PSMD1: variants seen among roughly 807,000 people sequenced by gnomAD.
PSMD1 encodes the protein proteasome 26S subunit, non-ATPase 1, also known as 26S proteasome non-ATPase regulatory subunit 1.
PSMD1 carries 18 observed loss-of-function variants against 119.0 expected under a neutral mutation model. That is an observed-to-expected ratio of 0.15 (90% CI 0.10 to 0.22). The LOEUF is 0.22. Among genes scored for constraint, PSMD1 ranks in the 10% least tolerant of loss-of-function variants. The probability of loss-of-function intolerance (pLI) is 1.00; values close to 1 mark genes in which losing one functional copy is unlikely to be tolerated. For missense variants in PSMD1, 702 were observed against 1,158.5 expected (o/e 0.61, Z 5.72); for synonymous variants, 374 against 396.6 (o/e 0.94, Z 0.68).
intron 9 of PSMD1, among the ~76,000 whole-genome samples, chr2:231,077,653 T>C (rs1209846368): frequency 6.6e-6 from 1 of 152,220 alleles, no homozygotes; most frequent in Non-Finnish European, 1.5e-5. Context: ...TGTTGAGATA[T>C]TGCTCTTAAC....
intron 16 of PSMD1, among the ~76,000 whole-genome samples, chr2:231,128,002 G>T (rs1252996123): frequency 6.6e-6 from 1 of 152,158 alleles, no homozygotes; most frequent in African/African-American, 2.4e-5. Flanking sequence ...TCTCCCTGAT[G>T]TCTTTTTAAT....
intron 15 of PSMD1, among the ~76,000 whole-genome samples, chr2:231,086,096 A>G (rs2125176629): frequency 1.3e-5 from 2 of 151,852 alleles, no homozygotes; most frequent in South Asian, 4.2e-4. Context: ...GCTGGAGCGC[A>G]GTAGCACAAT....
At chr2:231,159,547 G>C (rs1696586133) in intron 19 of PSMD1, among the ~76,000 whole-genome samples, 1 of 152,134 alleles carries the variant, frequency 6.6e-6, no homozygotes, top group Admixed American at 6.5e-5. Flanking sequence ...GTTTGCTTCA[G>C]TCCCCACTGC....
chr2:231,087,778 C>T (rs981267754), intron 16 of PSMD1, among the ~76,000 whole-genome samples: 3 of 152,002 alleles, frequency 2.0e-5, no homozygotes, highest in East Asian at 1.9e-4. Context: ...CTGACTAACA[C>T]GGTGAAACCC....
chr2:231,104,306 G>T lies in PSMD1; in HGVS notation c.1883+17125G>T, dbSNP rs546606001. On this transcript the variant is annotated intron_variant, in intron 16 of 24. Transcript: ENST00000308696. ...GTAGCTAACACAGGTTAAGTTCCCA[G>T]TTTCAGCAGCAGATGTCTCCCGTGA... Among the ~76,000 whole-genome samples the T allele has an allele frequency of 3.3e-5, 5 of 152,204 alleles. No homozygotes were observed. The East Asian group carries it at 9.6e-4, about 29-fold the overall frequency.
intron 8 of PSMD1, 24 bp downstream of exon 8, chr2:231,075,595 T>A (rs766361300): frequency 1.3e-6 from 2 of 1,596,150 alleles, no homozygotes; most frequent in South Asian, 2.3e-5. Flanking sequence ...TTTTTTTTCC[T>A]TTGAGACAGG....
intron 12 of PSMD1, among the ~76,000 whole-genome samples, chr2:231,081,431 A>C (rs910001023): frequency 6.6e-6 from 1 of 152,372 alleles, no homozygotes; most frequent in African/African-American, 2.4e-5. Flanking sequence ...ACTAGTTCTC[A>C]CAAAGGTTAA....
intron 18 of PSMD1, among the ~76,000 whole-genome samples, chr2:231,150,048 T>TA (rs551429040): frequency 5.9e-5 from 9 of 151,896 alleles, no homozygotes; most frequent in Non-Finnish European, 1.2e-4. Context: ...GAACTAGCCA[T>TA]AAAAAAAATT....
intron 18 of PSMD1, among the ~76,000 whole-genome samples, chr2:231,149,415 G>A (rs6743580): frequency 5.8e-4 from 89 of 152,188 alleles, no homozygotes; most frequent in African/African-American, 2.0e-3. Flanking sequence ...CAGGAGACTC[G>A]CTTGAGCCTG....
intron 23 of PSMD1, 128 bp downstream of exon 23, chr2:231,166,145 TA>T: frequency 9.8e-7 from 1 of 1,017,712 alleles, no homozygotes. Context: ...AGAAATTATT[TA>T]ACAAAAGAGA....
At chr2:231,077,520 T>C (rs1694197800) in intron 9 of PSMD1, among the ~76,000 whole-genome samples, 1 of 152,170 alleles carries the variant, frequency 6.6e-6, no homozygotes, top group Non-Finnish European at 1.5e-5. Context: ...GAGTGTACTT[T>C]CATTTCAATA....
chr2:231,145,894 C>CAAAA (rs36124651), intron 17 of PSMD1, among the ~76,000 whole-genome samples: 15 of 46,556 alleles, frequency 3.2e-4, no homozygotes, highest in African/African-American at 7.3e-4. Context: ...AGCTACATCT[C>CAAAA]AAAAAAAAAA....
At chr2:231,111,709 C>T (rs1299675642) in intron 16 of PSMD1, among the ~76,000 whole-genome samples, 6 of 152,150 alleles carry the variant, frequency 3.9e-5, no homozygotes, top group Non-Finnish European at 8.8e-5. Flanking sequence ...TGATTTTGGC[C>T]TTGGTGCTGA....
chr2:231,092,956 T>A (rs1006730050), intron 16 of PSMD1, among the ~76,000 whole-genome samples: 2 of 152,148 alleles, frequency 1.3e-5, no homozygotes, highest in Non-Finnish European at 2.9e-5. Flanking sequence ...AGTGGGAGGA[T>A]AGTGGAGTGA....
intron 17 of PSMD1, 56 bp downstream of exon 17, chr2:231,138,906 C>A: frequency 7.7e-7 from 1 of 1,303,186 alleles, no homozygotes; most frequent in Admixed American, 1.8e-5. Context: ...TGTTTTCCCT[C>A]GCCGCAGAAT....
At chr2:231,087,202 A>C in intron 16 of PSMD1, 21 bp downstream of exon 16, 2 of 1,599,802 alleles carry the variant, frequency 1.3e-6, no homozygotes, top group South Asian at 2.2e-5. Context: ...CAAACTTCTT[A>C]TTCTATTTAT....
At chr2:231,167,088 C>A (rs890640926) in intron 23 of PSMD1, among the ~76,000 whole-genome samples, 2 of 152,140 alleles carry the variant, frequency 1.3e-5, no homozygotes, top group Admixed American at 1.3e-4. Context: ...ATGTAAAGCA[C>A]CTAAAACAAT....
At chr2:231,058,579 C>T (rs891665054) in intron 1 of PSMD1, among the ~76,000 whole-genome samples, 4 of 151,366 alleles carry the variant, frequency 2.6e-5, no homozygotes, top group Non-Finnish European at 5.9e-5. Flanking sequence ...TTATGTATGC[C>T]CCAAGATACT....
intron 17 of PSMD1, among the ~76,000 whole-genome samples, chr2:231,141,970 C>T (rs1696130080): frequency 6.6e-6 from 1 of 152,208 alleles, no homozygotes; most frequent in Admixed American, 6.5e-5. Context: ...GCAACCTCCG[C>T]CTCCTGGGTT....
Sources: gnomAD v4.1 joint callset for allele counts (sites outside exome capture counted in the v4.1 genomes callset) on GRCh38, gnomAD v4.1.1 for gene constraint, MANE v1.5 for transcripts, NCBI Gene and HGNC (gene_info 2026-07-23, HGNC 2026-07-21) for gene names.